The following SCGB2B2 variants were observed in gnomAD, a reference collection of about 807,000 sequenced individuals.
SCGB2B2 encodes the protein secretoglobin family 2B member 2, also known as secretoglobin-like protein.
In SCGB2B2, 11 loss-of-function variants were observed where a neutral mutation model predicts 7.6. That is an observed-to-expected ratio of 1.45 (90% CI 0.91 to 2.40). SCGB2B2 has a LOEUF of 2.40. SCGB2B2 is among the 30% of genes most tolerant of loss of function. The probability of loss-of-function intolerance (pLI) is 0.00; values close to 1 mark genes in which losing one functional copy is unlikely to be tolerated. For missense variants in SCGB2B2, 104 were observed against 115.4 expected (o/e 0.90, Z 0.45); for synonymous variants, 50 against 48.6 (o/e 1.03, Z -0.12).
intron 1 of SCGB2B2, among the ~76,000 whole-genome samples, chr19:34,607,829 T>C (rs2065823841): frequency 6.6e-6 from 1 of 152,260 alleles, no homozygotes; most frequent in South Asian, 2.1e-4. Flanking sequence ...TAATTACATA[T>C]TTTGGATATT....
In SCGB2B2 at chr19:34,595,227, T is replaced by G. The variant is rs1017316182; in HGVS notation, c.-664A>C. On this transcript the variant is annotated 5_prime_UTR_variant, in exon 2 of 4. Coordinates refer to ENST00000601241, the MANE Select transcript of SCGB2B2 (RefSeq NM_001025591.4). ...CCGAAGTCTGGTGGTGACAAAGGAT[T>G]GAGAAAAGACAAGTTAAGAGTGAAA... 6 of 152,242 alleles carry G rather than the reference T, an allele frequency of 3.9e-5. No individual in the cohort carries two copies. Among genetic ancestry groups the G allele is most frequent in the African/African-American group, 1.5e-4 (6 of 41,342 alleles). The allele number at this position is 152,242 out of a possible 1,614,324, so 9.4% of individuals were successfully genotyped here.
intron 1 of SCGB2B2, among the ~76,000 whole-genome samples, chr19:34,674,840 C>G (rs1429569032): frequency 6.6e-6 from 1 of 152,170 alleles, no homozygotes; most frequent in African/African-American, 2.4e-5. Context: ...CTCCAGAAAA[C>G]ACATTCAGTT....
intron 1 of SCGB2B2, among the ~76,000 whole-genome samples, chr19:34,623,390 G>C (rs1297845975): frequency 6.6e-6 from 1 of 152,184 alleles, no homozygotes; most frequent in African/African-American, 2.4e-5. Flanking sequence ...GCATACCTTA[G>C]TCCACTTCCT....
At chr19:34,668,625 T>G (rs2067707982) in intron 1 of SCGB2B2, among the ~76,000 whole-genome samples, 1 of 152,234 alleles carries the variant, frequency 6.6e-6, no homozygotes, top group South Asian at 2.1e-4. Context: ...TGGTGGGGAC[T>G]TGGAGAACCT....
At position 34,594,870 on chromosome 19, in the gene SCGB2B2, G is replaced by T; in HGVS notation, c.-307C>A. ...TGGGATTGGGAGCAGGCTGAACACT[G>T]GTGTAAGCCTGCAAGTCTGAGTGTG... On this transcript the variant is annotated 5_prime_UTR_variant, in exon 2 of 4. Transcript: ENST00000601241. The T allele has an allele frequency of 2.3e-6, 1 of 429,006 alleles. No individual in the cohort carries two copies. Among genetic ancestry groups the T allele is most frequent in the East Asian group, 4.4e-5 (1 of 22,744 alleles). The allele number at this position is 429,006 out of a possible 1,614,324, so 26.6% of individuals were successfully genotyped here.
intron 1 of SCGB2B2, among the ~76,000 whole-genome samples, chr19:34,656,278 T>C (rs35917943): frequency 0.014 from 2,124 of 151,512 alleles, 53 homozygotes; most frequent in Non-Finnish European, 0.02. Flanking sequence ...GCAAGTGAGA[T>C]ATGTTATAAA....
chr19:34,637,344 A>C (rs2066711197), intron 1 of SCGB2B2, among the ~76,000 whole-genome samples: 1 of 152,198 alleles, frequency 6.6e-6, no homozygotes. Context: ...CCTGGCACCC[A>C]CAGCATCTAT....
chr19:34,653,579 T>C (rs993096537), intron 1 of SCGB2B2, among the ~76,000 whole-genome samples: 2 of 151,064 alleles, frequency 1.3e-5, no homozygotes, highest in Non-Finnish European at 2.9e-5. Flanking sequence ...AATAACATAG[T>C]AGAAAACCAA....
chr19:34,653,836 A>C lies in SCGB2B2; in HGVS notation c.-2032+21794T>G, dbSNP rs762337121. On this transcript the variant is annotated intron_variant, in intron 1 of 3. Transcript: ENST00000601241. ...CTTACCTCAACACAAATATGGTAAT[A>C]TATAAAAACCCACTGCTAACATCAT... is the stretch of plus-strand genomic sequence containing the variant. Among the ~76,000 whole-genome samples, 64 of 151,356 alleles carry C rather than the reference A, an allele frequency of 4.2e-4. 1 individual carries two copies. The highest frequency in any genetic ancestry group is 8.5e-4 in the Admixed American group (13 of 15,268).
chr19:34,666,546 C>G (rs1302528260), intron 1 of SCGB2B2, among the ~76,000 whole-genome samples: 1 of 152,138 alleles, frequency 6.6e-6, no homozygotes, highest in African/African-American at 2.4e-5. Context: ...CAGATGCCAC[C>G]TGCTGCGCCC....
intron 1 of SCGB2B2, among the ~76,000 whole-genome samples, chr19:34,598,886 G>C (rs2065537242): frequency 1.3e-5 from 2 of 151,648 alleles, no homozygotes; most frequent in Admixed American, 1.3e-4. Flanking sequence ...GTTTAGTCAG[G>C]CCTCTTGCCC....
chr19:34,625,185 A>T (rs1278587402), intron 1 of SCGB2B2, among the ~76,000 whole-genome samples: 1 of 152,226 alleles, frequency 6.6e-6, no homozygotes, highest in Non-Finnish European at 1.5e-5. Flanking sequence ...TACAGCTCCC[A>T]GCGTGAGTGA....
rs931333633 is a variant in SCGB2B2, at chr19:34,658,826, A to C, written c.-2032+16804T>G. On this transcript the variant is annotated intron_variant, in intron 1 of 3. Transcript: ENST00000601241. ...CAACAACAACAACAAAAAAAAAAAAAAAAAAAAAAGAGAGAGAATTTTAGG... is the reference window on the plus strand; with the variant it reads ...CAACAACAACAACAAAAAAAAAAAACAAAAAAAAAGAGAGAGAATTTTAGG... Among the ~76,000 whole-genome samples, 441 of 148,046 alleles carry C rather than the reference A, an allele frequency of 3.0e-3. 3 individuals carry two copies. The highest frequency in any genetic ancestry group is 4.3e-3 in the Non-Finnish European group (284 of 65,986).
At chr19:34,660,665 C>T (rs2067427156) in intron 1 of SCGB2B2, among the ~76,000 whole-genome samples, 1 of 152,184 alleles carries the variant, frequency 6.6e-6, no homozygotes. Context: ...AATGCTTTTA[C>T]ATTGTTGGTT....
chr19:34,595,091 A>G lies in SCGB2B2; in HGVS notation c.-528T>C, dbSNP rs1376914018. On this transcript the variant is annotated 5_prime_UTR_variant, in exon 2 of 4. Transcript: ENST00000601241. ...GATTCAAAGAACATTATCTGGAGTA[A>G]AACACAGAACCTAAAGGACATGAGA... The G allele has an allele frequency of 6.1e-6, 1 of 164,092 alleles. No individual in the cohort carries two copies. The highest frequency in any genetic ancestry group is 1.3e-5 in the Non-Finnish European group (1 of 75,014). The allele number at this position is 164,092 out of a possible 1,614,324, so 10.2% of individuals were successfully genotyped here.
At chr19:34,603,578 C>T (rs2065690044) in intron 1 of SCGB2B2, among the ~76,000 whole-genome samples, 3 of 152,070 alleles carry the variant, frequency 2.0e-5, no homozygotes, top group African/African-American at 7.2e-5. Context: ...TCTAAGGAGG[C>T]AGTGCTGGAG....
rs1428137249 is a variant in SCGB2B2, at chr19:34,596,264, G to A, written c.-1701C>T. 1 of 152,316 alleles carries A rather than the reference G, an allele frequency of 6.6e-6. No homozygotes were observed. 9.4% of individuals were successfully genotyped at this position (152,316 alleles called of 1,614,324 possible). ...GCAGGGGCTGTGGCTGAGCAGGGAGGATGGAGGCCACTGCCACTCCCTGGC... is the reference window on the plus strand; with the variant it reads ...GCAGGGGCTGTGGCTGAGCAGGGAGAATGGAGGCCACTGCCACTCCCTGGC... On this transcript the variant is annotated 5_prime_UTR_variant, in exon 2 of 4. Coordinates refer to ENST00000601241, the MANE Select transcript of SCGB2B2 (RefSeq NM_001025591.4).
intron 1 of SCGB2B2, among the ~76,000 whole-genome samples, chr19:34,629,328 T>C (rs528246593): frequency 6.6e-6 from 1 of 152,068 alleles, no homozygotes; most frequent in East Asian, 1.9e-4. Flanking sequence ...GGAAGTCAAA[T>C]TGCCCCTGTT....
chr19:34,651,833 C>T (rs558521529), intron 1 of SCGB2B2, among the ~76,000 whole-genome samples: 1 of 151,294 alleles, frequency 6.6e-6, no homozygotes, highest in Non-Finnish European at 1.5e-5. Context: ...CAATCCTGAG[C>T]AAACAAAACA....
Sources: allele counts gnomAD v4.1 joint callset (sites outside exome capture counted in the v4.1 genomes callset), GRCh38; gene constraint gnomAD v4.1.1; transcripts MANE v1.5; gene names NCBI Gene and HGNC (gene_info 2026-07-23, HGNC 2026-07-21).